PTK2: variants seen among roughly 807,000 people sequenced by gnomAD.
The protein encoded by PTK2 is protein tyrosine kinase 2.
In PTK2, 45 loss-of-function variants were observed where a neutral mutation model predicts 150.1. The ratio of observed to expected loss-of-function variants is 0.30; its 90% confidence interval spans 0.24 to 0.38. PTK2 has a LOEUF of 0.38. Ranked by LOEUF, PTK2 falls within the 10% of genes least tolerant of loss-of-function variation. The pLI, the probability that PTK2 is intolerant of heterozygous loss-of-function variation, is 1.00. For synonymous variants in PTK2, 432 were observed against 449.2 expected (o/e 0.96, Z 0.48); for missense variants, 919 against 1,307.3 (o/e 0.70, Z 4.58).
intron 8 of PTK2, 44 bp downstream of exon 8, chr8:140,830,428 G>T: frequency 7.8e-7 from 1 of 1,290,204 alleles, no homozygotes; most frequent in Non-Finnish European, 1.1e-6. Context: ...AAAGGTCTTG[G>T]CATAATTTTG....
chr8:140,959,070 G>A (rs1403630641), intron 1 of PTK2, among the ~76,000 whole-genome samples: 1 of 151,766 alleles, frequency 6.6e-6, no homozygotes, highest in African/African-American at 2.4e-5. Context: ...TTCCTATAAA[G>A]TTTAAAACTA....
At chr8:140,819,922 C>A (rs1175062953) in intron 8 of PTK2, among the ~76,000 whole-genome samples, 2 of 151,836 alleles carry the variant, frequency 1.3e-5, no homozygotes, top group East Asian at 3.9e-4. Flanking sequence ...GTGTGTGAAG[C>A]AGTCTGAGAA....
At chr8:140,921,075 T>C in intron 2 of PTK2, 1 of 1,315,794 alleles carries the variant, frequency 7.6e-7, no homozygotes, top group Non-Finnish European at 9.6e-7. Flanking sequence ...TTCTGTAATA[T>C]TTTCCAGCAG....
intron 1 of PTK2, among the ~76,000 whole-genome samples, chr8:140,954,533 AT>A (rs972245525): frequency 2.6e-5 from 4 of 152,214 alleles, no homozygotes; most frequent in East Asian, 1.9e-4. Context: ...GTTATTAACC[AT>A]TATTATACTA....
chr8:140,856,443 C>G lies in PTK2; in HGVS notation c.450+7869G>C, dbSNP rs960831443. Among the ~76,000 whole-genome samples the G allele has an allele frequency of 2.0e-5, 3 of 152,088 alleles. No homozygotes were observed. The East Asian group carries it at 5.8e-4, about 29-fold the overall frequency. On this transcript the variant is annotated intron_variant, in intron 5 of 31. Coordinates refer to ENST00000522684, the Ensembl canonical transcript of PTK2. ...AACAGAAAAATGGATAAATACACTACGATATATTTATATAACAGAATACTA... is the reference window on the plus strand; with the variant it reads ...AACAGAAAAATGGATAAATACACTAGGATATATTTATATAACAGAATACTA...
At chr8:140,936,663 T>C (rs1384921337) in intron 1 of PTK2, among the ~76,000 whole-genome samples, 1 of 152,068 alleles carries the variant, frequency 6.6e-6, no homozygotes, top group Non-Finnish European at 1.5e-5. Flanking sequence ...CACCAGCAAA[T>C]TAAAGAGCCA....
At chr8:140,799,433 G>C (rs1217310029) in intron 12 of PTK2, 1 of 152,502 alleles carries the variant, frequency 6.6e-6, no homozygotes, top group African/African-American at 2.4e-5. Context: ...TAGTCACTGA[G>C]GTGAGTGCTA....
rs770432361 is a variant in PTK2, at chr8:140,764,223, A to G, written c.1234+11T>C. On this transcript the variant is annotated intron_variant, in intron 15 of 31. Transcript: ENST00000522684. ...AAGTCTGAGCAAGAACAAAATCAGA[A>G]GTTTACTTACTTGAGGGCATGGTGT... 50 of 1,601,874 alleles carry G rather than the reference A, an allele frequency of 3.1e-5. No individual in the cohort carries two copies. The highest frequency in any genetic ancestry group is 3.6e-5 in the Non-Finnish European group (42 of 1,170,206).
chr8:140,930,572 TTC>T (rs557422559), intron 1 of PTK2, among the ~76,000 whole-genome samples: 7 of 152,230 alleles, frequency 4.6e-5, no homozygotes, highest in African/African-American at 1.2e-4. Flanking sequence ...ATTTTTACTA[TTC>T]TGTTTCAAAT....
chr8:140,918,645 G>A (rs2100166232), intron 2 of PTK2, among the ~76,000 whole-genome samples: 1 of 152,096 alleles, frequency 6.6e-6, no homozygotes, highest in African/African-American at 2.4e-5. Context: ...GGCTTTAAGG[G>A]TACCTTAAAG....
intron 29 of PTK2, 80 bp downstream of exon 32, chr8:140,674,218 G>T: frequency 7.4e-7 from 1 of 1,352,176 alleles, no homozygotes; most frequent in Non-Finnish European, 1.1e-6. Flanking sequence ...TCCACTCTAT[G>T]ACATGAACAC....
chr8:140,659,344 A>T, exon 32 of PTK2: 1 of 732,432 alleles, frequency 1.4e-6, no homozygotes, highest in South Asian at 2.3e-5. Flanking sequence ...CCAGATGGTC[A>T]TTCAAAAAAG....
chr8:140,804,056 G>A (rs2100096849), intron 10 of PTK2, among the ~76,000 whole-genome samples: 1 of 152,150 alleles, frequency 6.6e-6, no homozygotes. Flanking sequence ...GAGGGGATCT[G>A]GGATTAATCC....
chr8:140,668,141 G>A (rs1444801963), intron 30 of PTK2, 128 bp downstream of exon 34: 1 of 1,071,986 alleles, frequency 9.3e-7, no homozygotes, highest in South Asian at 1.5e-5. Flanking sequence ...GTGCTTTCGT[G>A]AAGAGCTTCT....
Position 140,744,782 on chromosome 8 carries a change from A to G in PTK2, c.1519-15T>C. 2 of 1,284,606 alleles carry G rather than the reference A, an allele frequency of 1.6e-6. No individual in the cohort carries two copies. The highest frequency in any genetic ancestry group is 2.2e-6 in the Non-Finnish European group (2 of 917,668). The allele number at this position is 1,284,606 out of a possible 1,614,324, so 79.6% of individuals were successfully genotyped here. A position where few individuals can be genotyped will look rare whatever the true frequency, so the allele number is the denominator to read the frequency against. On this transcript the variant is annotated splice_polypyrimidine_tract_variant and intron_variant, in intron 18 of 31. Transcript: ENST00000522684. ...AATGACCTCAGCTTTTGGAACAATG[A>G]CCAAAAGAAAAAAAAAAAAAAAAGA... is the stretch of plus-strand genomic sequence containing the variant.
chr8:140,668,498 G>A, intron 29 of PTK2, 74 bp from the exon 34 acceptor site: 1 of 1,496,026 alleles, frequency 6.7e-7, no homozygotes, highest in Non-Finnish European at 9.0e-7. Context: ...AAGCTAGAGA[G>A]GGTCTTTACA....
chr8:140,842,943 T>G, intron 7 of PTK2, among the ~76,000 whole-genome samples: 1 of 152,120 alleles, frequency 6.6e-6, no homozygotes, highest in Admixed American at 6.5e-5. Flanking sequence ...TACAAACTTA[T>G]GCTGTGTCTA....
chr8:140,667,111 G>C (rs766353587), intron 30 of PTK2, among the ~76,000 whole-genome samples: 4 of 152,136 alleles, frequency 2.6e-5, no homozygotes, highest in Non-Finnish European at 4.4e-5. Flanking sequence ...CCAGGGGCTG[G>C]GGGAGGGGAA....
At chr8:140,957,058 T>G (rs2100181452) in intron 1 of PTK2, among the ~76,000 whole-genome samples, 1 of 151,668 alleles carries the variant, frequency 6.6e-6, no homozygotes, top group Non-Finnish European at 1.5e-5. Flanking sequence ...CAAAACTCCA[T>G]CACAAAAACA....
Sources: gnomAD v4.1 joint callset for allele counts (sites outside exome capture counted in the v4.1 genomes callset) on GRCh38, gnomAD v4.1.1 for gene constraint, MANE v1.5 for transcripts, NCBI Gene and HGNC (gene_info 2026-07-23, HGNC 2026-07-21) for gene names.